The following THSD7B variants were observed in gnomAD, a reference collection of about 807,000 sequenced individuals.
The protein encoded by THSD7B is thrombospondin type-1 domain-containing protein 7B.
A neutral mutation model predicts 213.6 loss-of-function variants in THSD7B; 138 were observed. The observed-to-expected ratio is 0.65, with a 90% CI of 0.56 to 0.74. The LOEUF (loss-of-function observed/expected upper bound fraction) is 0.74, where lower values mean the gene tolerates loss of function less well. THSD7B is among the 30% of genes least tolerant of loss of function. The pLI is 0.00. For missense variants in THSD7B, 1,931 were observed against 1,991.5 expected (o/e 0.97, Z 0.58); for synonymous variants, 742 against 687.0 (o/e 1.08, Z -1.25).
At chr2:137,656,775 C>CTGTACTGCA in intron 22 of THSD7B, 21 bp from the exon 23 acceptor site, 1 of 1,609,276 alleles carries the variant, frequency 6.2e-7, no homozygotes, top group Non-Finnish European at 8.5e-7. Context: ...TTTCTCCACC[C>CTGTACTGCA]TGTACTGCAT....
chr2:137,464,441 A>G (rs1205180947), intron 15 of THSD7B, among the ~76,000 whole-genome samples: 2 of 152,088 alleles, frequency 1.3e-5, no homozygotes, highest in African/African-American at 4.8e-5. Context: ...GCCAGGTACC[A>G]TAGTGGCCAC....
intron 9 of THSD7B, among the ~76,000 whole-genome samples, chr2:137,241,426 T>C (rs1228561679): frequency 1.3e-5 from 2 of 152,218 alleles, no homozygotes; most frequent in African/African-American, 4.8e-5. Context: ...GCTGAGACTT[T>C]AGTTTTCCAA....
chr2:137,134,447 A>G (rs1688795332), intron 5 of THSD7B, among the ~76,000 whole-genome samples: 1 of 152,176 alleles, frequency 6.6e-6, no homozygotes, highest in South Asian at 2.1e-4. Context: ...TACTCTGTGC[A>G]CAAGCTTACA....
At chr2:137,357,797 GAA>G (rs1685167724) in intron 12 of THSD7B, among the ~76,000 whole-genome samples, 1 of 152,172 alleles carries the variant, frequency 6.6e-6, no homozygotes, top group Non-Finnish European at 1.5e-5. Flanking sequence ...TAGTGATGAT[GAA>G]ATTACAATAG....
intron 1 of THSD7B, among the ~76,000 whole-genome samples, chr2:136,780,253 G>GA (rs147001140): frequency 0.03 from 4,637 of 152,200 alleles, 158 homozygotes; most frequent in East Asian, 0.17. Flanking sequence ...TGGGGAGGGA[G>GA]GAACATTGCG....
At chr2:137,115,482 C>CA (rs1225576592) in intron 5 of THSD7B, among the ~76,000 whole-genome samples, 189 bp downstream of exon 5, 1 of 152,002 alleles carries the variant, frequency 6.6e-6, no homozygotes, top group African/African-American at 2.4e-5. Flanking sequence ...AAAATAGTAG[C>CA]AAAAATAATA....
chr2:137,303,046 A>G (rs1683643526), intron 12 of THSD7B, among the ~76,000 whole-genome samples: 1 of 152,166 alleles, frequency 6.6e-6, no homozygotes, highest in African/African-American at 2.4e-5. Flanking sequence ...TCTGTCACCC[A>G]GGTTGGAGTG....
chr2:137,521,672 C>A (rs76109704), intron 15 of THSD7B, among the ~76,000 whole-genome samples: 1 of 152,178 alleles, frequency 6.6e-6, no homozygotes, highest in Non-Finnish European at 1.5e-5. Flanking sequence ...TGCCAGCTGG[C>A]AAAGCCACTT....
intron 2 of THSD7B, among the ~76,000 whole-genome samples, chr2:137,022,545 C>CA (rs1686465096): frequency 2.7e-5 from 4 of 149,790 alleles, no homozygotes; most frequent in African/African-American, 9.9e-5. Context: ...AAAAAATCTT[C>CA]GTTTTTTTTT....
At chr2:136,938,976 C>T (rs1190178693) in intron 2 of THSD7B, among the ~76,000 whole-genome samples, 1 of 152,138 alleles carries the variant, frequency 6.6e-6, no homozygotes, top group Non-Finnish European at 1.5e-5. Flanking sequence ...ATCTGTGTGA[C>T]TCGAAAACAG....
chr2:137,488,243 A>T (rs1688509299), intron 15 of THSD7B, among the ~76,000 whole-genome samples: 1 of 152,156 alleles, frequency 6.6e-6, no homozygotes, highest in Non-Finnish European at 1.5e-5. Context: ...TAACACTTAA[A>T]GTATACTGTA....
chr2:137,215,457 AG>A (rs1352588254), intron 7 of THSD7B, among the ~76,000 whole-genome samples: 2 of 152,122 alleles, frequency 1.3e-5, no homozygotes, highest in Admixed American at 6.6e-5. Flanking sequence ...CTAGGGGAGG[AG>A]TCATTGAAAT....
At chr2:137,528,913 A>G (rs12476578) in intron 15 of THSD7B, among the ~76,000 whole-genome samples, 49,944 of 152,012 alleles carry the variant, frequency 0.33, 10,023 homozygotes, top group Non-Finnish European at 0.46. Flanking sequence ...TCGCAGACTC[A>G]TCTTTCTATC....
At chr2:137,038,159 A>G (rs10204635) in intron 2 of THSD7B, among the ~76,000 whole-genome samples, 3,088 of 152,266 alleles carry the variant, frequency 0.02, 53 homozygotes, top group Non-Finnish European at 0.03. Flanking sequence ...TAAGGGCTGT[A>G]TGTCCCTGAA....
At position 137,290,341 on chromosome 2, in the gene THSD7B, G is replaced by A. The variant is rs575516366; in HGVS notation, c.2500+14315G>A. On this transcript the variant is annotated intron_variant, in intron 12 of 27. Coordinates refer to ENST00000409968, the MANE Select transcript of THSD7B (RefSeq NM_001316349.2). Reference sequence around the variant, plus strand: ...CCTGACCTCGTGATCTGTCCGCCTGGGCCTCCCAAAGTGCTGGGATTACAG... The same window carrying A: ...CCTGACCTCGTGATCTGTCCGCCTGAGCCTCCCAAAGTGCTGGGATTACAG... Among the ~76,000 whole-genome samples the A allele has an allele frequency of 2.0e-4, 30 of 152,074 alleles. No individual in the cohort carries two copies. In the South Asian group the frequency reaches 6.1e-3, roughly 31 times the overall value.
At chr2:137,158,046 A>T (rs1431380756) in intron 5 of THSD7B, among the ~76,000 whole-genome samples, 1 of 152,198 alleles carries the variant, frequency 6.6e-6, no homozygotes, top group Non-Finnish European at 1.5e-5. Context: ...CATCTCTTTC[A>T]TCAGCTCTGT....
intron 4 of THSD7B, among the ~76,000 whole-genome samples, chr2:137,096,495 T>A (rs1178670583): frequency 6.6e-6 from 1 of 152,152 alleles, no homozygotes; most frequent in Non-Finnish European, 1.5e-5. Context: ...GTTCCTTATA[T>A]TCTTATTGTT....
chr2:137,553,744 T>C (rs1400451518), intron 15 of THSD7B, among the ~76,000 whole-genome samples: 1 of 152,192 alleles, frequency 6.6e-6, no homozygotes, highest in Non-Finnish European at 1.5e-5. Context: ...CTCATTTCTC[T>C]CCCTTAGAAC....
chr2:137,180,115 G>T (rs1311303349), intron 7 of THSD7B, among the ~76,000 whole-genome samples: 1 of 152,146 alleles, frequency 6.6e-6, no homozygotes, highest in Non-Finnish European at 1.5e-5. Context: ...GAAGGGTGTT[G>T]TTTTAATTGC....
Sources: gnomAD v4.1 joint callset for allele counts (sites outside exome capture counted in the v4.1 genomes callset) on GRCh38, gnomAD v4.1.1 for gene constraint, MANE v1.5 for transcripts, NCBI Gene and HGNC (gene_info 2026-07-23, HGNC 2026-07-21) for gene names.